CHCHD3: variants seen among roughly 807,000 people sequenced by gnomAD.
CHCHD3 encodes coiled-coil-helix-coiled-coil-helix domain containing 3.
A neutral mutation model predicts 38.2 loss-of-function variants in CHCHD3; 20 were observed. That is an observed-to-expected ratio of 0.52 (90% CI 0.37 to 0.76). The LOEUF (loss-of-function observed/expected upper bound fraction) is 0.76, where lower values mean the gene tolerates loss of function less well. Among genes scored for constraint, CHCHD3 ranks in the 30% least tolerant of loss-of-function variants. The pLI is 0.00. For missense variants in CHCHD3, 245 were observed against 279.2 expected (o/e 0.88, Z 0.87); for synonymous variants, 82 against 100.0 (o/e 0.82, Z 1.07).
At chr7:132,862,578 A>G (rs993360659) in intron 5 of CHCHD3, among the ~76,000 whole-genome samples, 2 of 152,242 alleles carry the variant, frequency 1.3e-5, no homozygotes, top group African/African-American at 4.8e-5. Context: ...TGGCATGGCT[A>G]TGACAATTTC....
chr7:133,051,037 T>A (rs543588040), intron 2 of CHCHD3, among the ~76,000 whole-genome samples: 4 of 152,176 alleles, frequency 2.6e-5, no homozygotes, highest in South Asian at 4.2e-4. Context: ...TAAAATCTTA[T>A]AATTACTGGC....
intron 4 of CHCHD3, among the ~76,000 whole-genome samples, chr7:132,960,592 T>C (rs1205134697): frequency 6.6e-6 from 1 of 152,132 alleles, no homozygotes; most frequent in Non-Finnish European, 1.5e-5. Flanking sequence ...GTCCATATGC[T>C]TAAAATTCAA....
chr7:132,934,036 A>G (rs887686832), intron 4 of CHCHD3, among the ~76,000 whole-genome samples: 2 of 152,176 alleles, frequency 1.3e-5, no homozygotes, highest in African/African-American at 4.8e-5. Context: ...TGGCAGATTA[A>G]AGGTTTAGCT....
intron 4 of CHCHD3, among the ~76,000 whole-genome samples, chr7:132,940,382 T>C (rs943006974): frequency 6.6e-6 from 1 of 152,166 alleles, no homozygotes; most frequent in Non-Finnish European, 1.5e-5. Flanking sequence ...TTAAGTGCAT[T>C]TTCTATATAA....
In CHCHD3 at chr7:132,785,407, CTAAT is replaced by C; in HGVS notation, c.*226_*229del. The C allele has an allele frequency of 1.7e-6, 1 of 584,542 alleles. No individual in the cohort carries two copies. Among genetic ancestry groups the C allele is most frequent in the South Asian group, 2.2e-5 (1 of 46,236 alleles). 36.2% of individuals were successfully genotyped at this position (584,542 alleles called of 1,614,324 possible). A position where few individuals can be genotyped will look rare whatever the true frequency, so the allele number is the denominator to read the frequency against. ...CTTTTAATCATCATAAGAGGGTTTA[CTAAT>C]ACTCAAGAGTGTCCTTTAATGACTG... On this transcript the variant is annotated 3_prime_UTR_variant, in exon 8 of 8. Coordinates refer to ENST00000262570, the MANE Select transcript of CHCHD3 (RefSeq NM_017812.4).
intron 3 of CHCHD3, among the ~76,000 whole-genome samples, chr7:133,012,794 G>A (rs1163162046): frequency 7.4e-6 from 1 of 134,388 alleles, no homozygotes; most frequent in Non-Finnish European, 1.6e-5. Context: ...GGAGAGGGGA[G>A]GGGAGGGGAG....
intron 7 of CHCHD3, among the ~76,000 whole-genome samples, chr7:132,787,650 A>T (rs1214957471): frequency 6.6e-6 from 1 of 152,204 alleles, no homozygotes; most frequent in African/African-American, 2.4e-5. Context: ...TCAAAAATTT[A>T]AAAATGATTG....
rs1477462 is a variant in CHCHD3, at chr7:132,787,059, C to A, written c.661-1399G>T. Reference sequence around the variant, plus strand: ...ATCCAGGTGGAGGACTGGGGTGGGACTGGGAGGAGTGAGGGGAGAAAGCGG... The same window carrying A: ...ATCCAGGTGGAGGACTGGGGTGGGAATGGGAGGAGTGAGGGGAGAAAGCGG... On this transcript the variant is annotated intron_variant, in intron 7 of 7. Coordinates refer to ENST00000262570, the MANE Select transcript of CHCHD3 (RefSeq NM_017812.4). Among the ~76,000 whole-genome samples, 827 of 152,042 alleles carry A rather than the reference C, an allele frequency of 5.4e-3. 7 individuals are homozygous for A. Among genetic ancestry groups the A allele is most frequent in the African/African-American group, 0.019 (783 of 41,474 alleles).
chr7:132,820,615 T>TG (rs1299725751), intron 6 of CHCHD3, among the ~76,000 whole-genome samples: 2 of 149,000 alleles, frequency 1.3e-5, no homozygotes, highest in South Asian at 2.1e-4. Flanking sequence ...GCTAGTGTTT[T>TG]TTTTTTTTTT....
At chr7:132,965,562 C>T (rs1811442518) in intron 4 of CHCHD3, among the ~76,000 whole-genome samples, 1 of 152,118 alleles carries the variant, frequency 6.6e-6, no homozygotes, top group East Asian at 1.9e-4. Context: ...TTTGTGATGC[C>T]TTTGGGGCTC....
chr7:133,072,063 G>A (rs140769203), intron 1 of CHCHD3, among the ~76,000 whole-genome samples: 133 of 151,972 alleles, frequency 8.8e-4, no homozygotes, highest in Non-Finnish European at 1.4e-3. Flanking sequence ...ATTGCTACTC[G>A]GGAGGCTGAG....
At chr7:132,869,492 T>C (rs1475895217) in intron 5 of CHCHD3, among the ~76,000 whole-genome samples, 1 of 152,160 alleles carries the variant, frequency 6.6e-6, no homozygotes, top group East Asian at 1.9e-4. Flanking sequence ...GACCTAAGCT[T>C]ATGTGCACTA....
rs574805689 is a variant in CHCHD3, at chr7:132,910,358, G to A, written c.370-24613C>T. The stretch of plus-strand genomic sequence containing the variant: ...CATGTCTAGGAGAGCAGAAAGAGTT[G>A]CCCTGGCTCCTATACTTGCCTGTAT... On this transcript the variant is annotated intron_variant, in intron 4 of 7. Coordinates refer to ENST00000262570, the MANE Select transcript of CHCHD3 (RefSeq NM_017812.4). Among the ~76,000 whole-genome samples, 111 of 152,268 alleles carry A rather than the reference G, an allele frequency of 7.3e-4. 1 individual carries two copies. The highest frequency in any genetic ancestry group is 1.2e-3 in the Non-Finnish European group (82 of 68,012).
chr7:132,954,967 G>A (rs1250076059), intron 4 of CHCHD3, among the ~76,000 whole-genome samples: 1 of 152,084 alleles, frequency 6.6e-6, no homozygotes, highest in Non-Finnish European at 1.5e-5. Context: ...CCGCAGAGAT[G>A]GGTTTCCTCT....
At chr7:133,033,518 G>A (rs562493559) in intron 2 of CHCHD3, among the ~76,000 whole-genome samples, 4 of 152,192 alleles carry the variant, frequency 2.6e-5, no homozygotes, top group South Asian at 2.1e-4. Flanking sequence ...CCACCACTGC[G>A]CACCATTGTT....
At chr7:132,965,442 CTTAG>C (rs1338926350) in intron 4 of CHCHD3, among the ~76,000 whole-genome samples, 1 of 144,906 alleles carries the variant, frequency 6.9e-6, no homozygotes, top group Admixed American at 6.9e-5. Flanking sequence ...GTTGAAGGCT[CTTAG>C]TTAAATGAAA....
intron 4 of CHCHD3, among the ~76,000 whole-genome samples, chr7:132,945,925 T>A (rs1810889206): frequency 6.6e-6 from 1 of 151,900 alleles, no homozygotes. Context: ...AAGCATAATC[T>A]TCAGAGGGCA....
Position 133,081,957 on chromosome 7 carries a change from G to A in CHCHD3, c.-20C>T, listed in dbSNP as rs755612991. Reference sequence around the variant, plus strand: ...ACCCATGATTCCGGTTCCTGCCCCAGCGGAGACCTAGCGGGGAACCACGAG... The same window carrying A: ...ACCCATGATTCCGGTTCCTGCCCCAACGGAGACCTAGCGGGGAACCACGAG... On this transcript the variant is annotated 5_prime_UTR_variant, in exon 1 of 8. Transcript: ENST00000262570. The A allele has an allele frequency of 6.5e-7, 1 of 1,533,312 alleles. No individual in the cohort carries two copies. Among genetic ancestry groups the A allele is most frequent in the Non-Finnish European group, 8.8e-7 (1 of 1,137,714 alleles). 95.0% of individuals were successfully genotyped at this position (1,533,312 alleles called of 1,614,324 possible).
intron 6 of CHCHD3, among the ~76,000 whole-genome samples, chr7:132,810,761 G>C (rs774532752): frequency 6.6e-6 from 1 of 152,050 alleles, no homozygotes; most frequent in African/African-American, 2.4e-5. Context: ...TCTCCCTAAG[G>C]GTTCCAATTC....
Sources: allele counts gnomAD v4.1 joint callset (sites outside exome capture counted in the v4.1 genomes callset), GRCh38; gene constraint gnomAD v4.1.1; transcripts MANE v1.5; gene names NCBI Gene and HGNC (gene_info 2026-07-23, HGNC 2026-07-21).